Variants in RYR1 observed in about 807,000 individuals in gnomAD.
RYR1 encodes central core disease of muscle.
Under a neutral mutation model 583.5 loss-of-function variants are expected in RYR1, and 342 were observed. The ratio of observed to expected loss-of-function variants is 0.59; its 90% CI spans 0.54 to 0.64. The LOEUF is 0.64. RYR1 is among the 30% of genes least tolerant of loss of function. The probability of loss-of-function intolerance (pLI) is 0.00; values close to 1 mark genes in which losing one functional copy is unlikely to be tolerated. For synonymous variants in RYR1, 2,791 were observed against 2,822.5 expected (o/e 0.99, Z 0.35); for missense variants, 6,032 against 6,917.2 (o/e 0.87, Z 4.54).
chr19:38,481,369 C>A (rs1486969806), intron 31 of RYR1, among the ~76,000 whole-genome samples: 1 of 152,116 alleles, frequency 6.6e-6, no homozygotes, highest in Non-Finnish European at 1.5e-5. Flanking sequence ...TCAAACTATT[C>A]GCCCACCTCC....
rs751920435 is a variant in RYR1 at position 38,510,617 on chromosome 19, C to T, written c.9001-43C>T. 8.1e-6 allele frequency: 13 copies of T among 1,614,136 alleles called. No homozygotes were observed. In the East Asian group the frequency reaches 2.7e-4, roughly 33 times the overall value. The stretch of plus-strand genomic sequence containing the variant: ...GGCGCTGGGGACTCATAGGCTCTCC[C>T]CACCCCTCATTGGACCCTTTATCTC... On this transcript the variant is annotated intron_variant, in intron 59 of 105. Coordinates refer to ENST00000359596, the MANE Select transcript of RYR1 (RefSeq NM_000540.3).
chr19:38,570,564 G>A (rs1269179912), intron 93 of RYR1, 43 bp from the exon 94 acceptor site: 2 of 1,474,226 alleles, frequency 1.4e-6, no homozygotes, highest in Non-Finnish European at 9.5e-7. Flanking sequence ...CAGGGAAGAG[G>A]CTGATCTGTG....
Position 38,446,785 on chromosome 19 carries a change from GGGGAGAGACCA to G in RYR1, c.800+25_800+35del. The G allele has an allele frequency of 6.2e-7, 1 of 1,609,672 alleles. No homozygotes were observed. ...GAGAATCAGGTAGGGCGGGGAAGAT[GGGGAGAGACCA>G]GGGAGAGGCTGGGGTCACCTGGCAG... On this transcript the variant is annotated intron_variant, in intron 9 of 105. Coordinates refer to ENST00000359596, the MANE Select transcript of RYR1 (RefSeq NM_000540.3).
chr19:38,523,356 C>A lies in RYR1; in HGVS notation c.10440+47C>A, dbSNP rs770630134. 24 of 1,610,526 alleles carry A rather than the reference C, an allele frequency of 1.5e-5. No homozygotes were observed. In the Admixed American group the frequency reaches 3.8e-4, roughly 26 times the overall value. ...GAGCACTTGGCAGAGAGGGCGGGAG[C>A]ACCCTCTAGGACTTCCTACCTGGCC... On this transcript the variant is annotated intron_variant, in intron 69 of 105. Coordinates refer to ENST00000359596, the MANE Select transcript of RYR1 (RefSeq NM_000540.3).
chr19:38,536,795 G>T (rs1348067585), intron 83 of RYR1, 28 bp downstream of exon 83: 2 of 1,612,874 alleles, frequency 1.2e-6, no homozygotes, highest in Admixed American at 1.7e-5. Flanking sequence ...CCCCCGTGCT[G>T]TGCTGCTGTC....
Position 38,443,743 on chromosome 19 carries a change from G to A in RYR1, c.371G>A (p.Arg124His), listed in dbSNP as rs944493056. The change falls in exon 5 of 106, where the codon CGC becomes CAC. Residue 124 changes from arginine to histidine, a missense_variant. Physicochemically the swap from Arg to His is conservative, Grantham distance 29. Transcript: ENST00000359596. ...TATCTGAGCTGCCTCACCACCTCCC[G>A]CTCCATGACTGACAAGCTGGCCTTC... ...RMYLSCLTTSRSMTDKLAFDV... is the reference protein window; with the variant it reads ...RMYLSCLTTSHSMTDKLAFDV... 24 of 1,614,104 alleles carry A rather than the reference G, an allele frequency of 1.5e-5. No homozygotes were observed. Among genetic ancestry groups the A allele is most frequent in the Middle Eastern group, 1.6e-4 (1 of 6,062 alleles).
In RYR1 at chr19:38,486,044, C is replaced by G; in HGVS notation, c.5389C>G (p.Arg1797Gly). The change falls in exon 34 of 106, where the codon CGC becomes GGC. Residue 1797 changes from arginine to glycine, a missense_variant. Transcript: ENST00000359596. The part of the protein sequence containing the change: ...PAAGAAEAPA[R>G]LSPAIPLEAL... ...TGCTGGGGCAGCAGAGGCCCCGGCCCGCCTCAGCCCTGCCATCCCGCTGGA... is the reference window on the plus strand; with the variant it reads ...TGCTGGGGCAGCAGAGGCCCCGGCCGGCCTCAGCCCTGCCATCCCGCTGGA... 6.2e-7 allele frequency: 1 copy of G among 1,612,736 alleles called. No homozygotes were observed. Among genetic ancestry groups the G allele is most frequent in the Non-Finnish European group, 8.5e-7 (1 of 1,179,512 alleles).
chr19:38,526,657 A>T (rs932168061), intron 71 of RYR1, among the ~76,000 whole-genome samples: 1 of 150,342 alleles, frequency 6.7e-6, no homozygotes, highest in Non-Finnish European at 1.5e-5. Context: ...CTGATCTTCA[A>T]AGACTCCCTG....
chr19:38,508,027 G>A (rs1970558138), intron 58 of RYR1, among the ~76,000 whole-genome samples, 200 bp downstream of exon 58: 1 of 152,036 alleles, frequency 6.6e-6, no homozygotes, highest in Non-Finnish European at 1.5e-5. Context: ...CTGCTCTCCT[G>A]CAACTACTCC....
chr19:38,561,570 C>T lies in RYR1; in HGVS notation c.12624+116C>T. 2.0e-6 allele frequency: 2 copies of T among 1,006,560 alleles called. No individual in the cohort carries two copies. The highest frequency in any genetic ancestry group is 2.9e-6 in the Non-Finnish European group (2 of 689,362). The allele number at this position is 1,006,560 out of a possible 1,614,324, so 62.4% of individuals were successfully genotyped here. A position where few individuals can be genotyped will look rare whatever the true frequency, so the allele number is the denominator to read the frequency against. On this transcript the variant is annotated intron_variant, in intron 90 of 105. Transcript: ENST00000359596. This position sits in a 1 kb window ranked among gnomAD's most constrained non-coding sequence, Gnocchi z 4.8. The stretch of plus-strand genomic sequence containing the variant: ...GTGCGTGCCTCGCATATCTGCCCTG[C>T]TCCGGCAAGCCCACGCCCACCCTTT...
intron 73 of RYR1, 113 bp from the exon 74 acceptor site, chr19:38,528,193 G>A (rs768100581): frequency 1.2e-5 from 10 of 865,298 alleles, no homozygotes; most frequent in East Asian, 5.2e-5. Context: ...TCCTTCTGCC[G>A]TGTGAGTCTT....
At chr19:38,435,814 ATAGACATGAC>A (rs200882504) in intron 1 of RYR1, among the ~76,000 whole-genome samples, 2,899 of 152,340 alleles carry the variant, frequency 0.019, 36 homozygotes, top group Non-Finnish European at 0.029. Context: ...GCACACATGC[ATAGACATGAC>A]TAAAAACCAA....
At chr19:38,510,903 G>A (rs994546953) in intron 60 of RYR1, 122 bp downstream of exon 60, 3 of 1,430,810 alleles carry the variant, frequency 2.1e-6, no homozygotes, top group Admixed American at 1.9e-5. Context: ...AAAGGCGATT[G>A]AAGGGTGACC....
At chr19:38,547,418 T>C (rs1972481725) in intron 88 of RYR1, among the ~76,000 whole-genome samples, 1 of 151,600 alleles carries the variant, frequency 6.6e-6, no homozygotes, top group African/African-American at 2.4e-5. Context: ...TTAGAGGGAG[T>C]GTGGGATCGC....
In RYR1 at chr19:38,457,057, A is replaced by G. The variant is rs1967447389; in HGVS notation, c.1792-440A>G. ...CCAGACTCCATCTCCAAAAAAAAAAAAAAAAAAAAAAAAAGGAATAACAAA... is the reference window on the plus strand; with the variant it reads ...CCAGACTCCATCTCCAAAAAAAAAAGAAAAAAAAAAAAAAGGAATAACAAA... On this transcript the variant is annotated intron_variant, in intron 16 of 105. Transcript: ENST00000359596. Among the ~76,000 whole-genome samples the G allele has an allele frequency of 1.3e-5, 2 of 150,292 alleles. 1 individual carries two copies. Among genetic ancestry groups the G allele is most frequent in the African/African-American group, 4.9e-5 (2 of 40,890 alleles).
intron 89 of RYR1, among the ~76,000 whole-genome samples, chr19:38,551,209 G>T (rs1235645750): frequency 6.6e-6 from 1 of 151,370 alleles, no homozygotes; most frequent in Non-Finnish European, 1.5e-5. Context: ...ACCATGCCTG[G>T]CTAATTTTGT....
intron 76 of RYR1, among the ~76,000 whole-genome samples, chr19:38,530,768 TC>T (rs1366808668): frequency 6.6e-6 from 1 of 151,392 alleles, no homozygotes; most frequent in East Asian, 1.9e-4. Flanking sequence ...GGACAAAGGG[TC>T]CCCACTCTTC....
rs980906028 is a variant in RYR1 at position 38,486,404 on chromosome 19, C to T, written c.5547+202C>T. ...TGTCGCCCAGGCTGGAGTGCAGTGG[C>T]GCAATCTCAGCTCACTGCAACCTCC... is the stretch of plus-strand genomic sequence containing the variant. On this transcript the variant is annotated intron_variant, in intron 34 of 105. Transcript: ENST00000359596. Among the ~76,000 whole-genome samples, 8 of 152,100 alleles carry T rather than the reference C, an allele frequency of 5.3e-5. 1 individual carries two copies. Among genetic ancestry groups the T allele is most frequent in the Admixed American group, 3.9e-4 (6 of 15,262 alleles).
At chr19:38,546,118 T>G (rs957214975) in intron 87 of RYR1, among the ~76,000 whole-genome samples, 2 of 152,106 alleles carry the variant, frequency 1.3e-5, no homozygotes, top group African/African-American at 4.8e-5. Context: ...GACCTGGGTC[T>G]CTGTCCCCAG....
Sources: allele counts gnomAD v4.1 joint callset (sites outside exome capture counted in the v4.1 genomes callset), GRCh38; gene constraint gnomAD v4.1.1; non-coding constraint Gnocchi (gnomAD v3.1); transcripts MANE v1.5; gene names NCBI Gene and HGNC (gene_info 2026-07-23, HGNC 2026-07-21).